Variants in ASIC2 observed in about 807,000 individuals in gnomAD.
The protein encoded by ASIC2 is acid-sensing ion channel 2.
In ASIC2, 25 loss-of-function variants were observed where a neutral mutation model predicts 57.3. The ratio of observed to expected loss-of-function variants is 0.44; its 90% CI spans 0.32 to 0.61. ASIC2 has a LOEUF of 0.61. Ranked by LOEUF, ASIC2 falls within the 20% of genes least tolerant of loss-of-function variation. ASIC2 has a pLI of 0.06. For missense variants in ASIC2, 641 were observed against 738.1 expected, an observed-to-expected ratio of 0.87 and a Z score of 1.52; for synonymous variants, 319 against 307.5, an observed-to-expected ratio of 1.04 and a Z score of -0.39.
At chr17:33,835,177 G>A (rs1413436316) in intron 1 of ASIC2, among the ~76,000 whole-genome samples, 2 of 152,162 alleles carry the variant, frequency 1.3e-5, no homozygotes, top group Non-Finnish European at 1.5e-5. Flanking sequence ...TGGCTCTGGG[G>A]CCAGACTCTT....
In ASIC2 at chr17:33,375,592, G is replaced by A. The variant is rs554388744; in HGVS notation, c.556-263525C>T. ...GCTGCTGTGTGGACTGACTACAGGG[G>A]CTGACAGTGGACTGACTACCGGGAC... On this transcript the variant is annotated intron_variant, in intron 1 of 9. Transcript: ENST00000359872. Among the ~76,000 whole-genome samples, 19 of 152,310 alleles carry A rather than the reference G, an allele frequency of 1.2e-4. No individual in the cohort carries two copies. In the South Asian group the frequency reaches 3.9e-3, roughly 32 times the overall value.
chr17:33,220,310 C>T (rs1907643693), intron 1 of ASIC2, among the ~76,000 whole-genome samples: 1 of 152,210 alleles, frequency 6.6e-6, no homozygotes, highest in African/African-American at 2.4e-5. Context: ...ATGAAATATA[C>T]TTCCAGCAGT....
intron 1 of ASIC2, among the ~76,000 whole-genome samples, chr17:33,818,162 G>A (rs1000789758): frequency 6.6e-6 from 1 of 152,308 alleles, no homozygotes; most frequent in South Asian, 2.1e-4. Context: ...TGATGAGGGT[G>A]TAACAAGGTT....
chr17:33,781,851 AC>A (rs1490938936), intron 1 of ASIC2, among the ~76,000 whole-genome samples: 1 of 151,884 alleles, frequency 6.6e-6, no homozygotes, highest in Admixed American at 6.6e-5. Flanking sequence ...TTCCTATAAC[AC>A]CCTGTTCGTC....
intron 1 of ASIC2, among the ~76,000 whole-genome samples, chr17:33,194,086 C>T (rs1428401954): frequency 6.6e-6 from 1 of 152,202 alleles, no homozygotes; most frequent in Non-Finnish European, 1.5e-5. Context: ...CAGGGACCAT[C>T]CATGCTCATC....
intron 1 of ASIC2, chr17:34,001,806 G>T (rs1345058453): frequency 6.6e-6 from 1 of 152,182 alleles, no homozygotes; most frequent in Non-Finnish European, 1.5e-5. Flanking sequence ...TTCCACTTGG[G>T]TGCTGTACTC....
intron 1 of ASIC2, among the ~76,000 whole-genome samples, chr17:33,969,718 G>C (rs1361791457): frequency 6.6e-6 from 1 of 152,110 alleles, no homozygotes; most frequent in African/African-American, 2.4e-5. Flanking sequence ...CCATTCCTGG[G>C]GGCAGGAACT....
intron 1 of ASIC2, among the ~76,000 whole-genome samples, chr17:33,222,700 A>C (rs1046349755): frequency 6.6e-6 from 1 of 152,206 alleles, no homozygotes; most frequent in Non-Finnish European, 1.5e-5. Flanking sequence ...ACATAAATAA[A>C]CAGGAATGTT....
At chr17:33,799,786 C>T (rs935178164) in intron 1 of ASIC2, among the ~76,000 whole-genome samples, 12 of 151,896 alleles carry the variant, frequency 7.9e-5, no homozygotes, top group East Asian at 1.9e-4. Flanking sequence ...GGTTGTGTAA[C>T]GAACAACCCA....
At chr17:34,148,495 T>C (rs533311707) in intron 1 of ASIC2, among the ~76,000 whole-genome samples, 3 of 152,316 alleles carry the variant, frequency 2.0e-5, no homozygotes, top group South Asian at 2.1e-4. Context: ...CTAAGGAATA[T>C]GAAAAATCAT....
At chr17:33,464,585 CTCTT>C (rs1178808092) in intron 1 of ASIC2, among the ~76,000 whole-genome samples, 1 of 132,022 alleles carries the variant, frequency 7.6e-6, no homozygotes, top group Non-Finnish European at 1.6e-5. Flanking sequence ...CTCTCTTTAT[CTCTT>C]TCTTTCTCTC....
intron 1 of ASIC2, among the ~76,000 whole-genome samples, chr17:34,148,566 G>A (rs1041991928): frequency 1.9e-4 from 29 of 152,124 alleles, no homozygotes; most frequent in African/African-American, 7.0e-4. Flanking sequence ...CTTTACAGAC[G>A]GGAGAGTCAG....
intron 3 of ASIC2, among the ~76,000 whole-genome samples, chr17:33,085,921 A>C (rs1431365716): frequency 6.6e-6 from 1 of 152,228 alleles, no homozygotes; most frequent in Non-Finnish European, 1.5e-5. Context: ...ATGTTTAACA[A>C]ATATCTTATT....
At chr17:33,164,064 A>T (rs773213422) in intron 1 of ASIC2, among the ~76,000 whole-genome samples, 3 of 152,220 alleles carry the variant, frequency 2.0e-5, no homozygotes, top group Non-Finnish European at 4.4e-5. Context: ...TTATGATCCC[A>T]AAGCACACAT....
At chr17:33,417,768 G>A (rs1176125781) in intron 1 of ASIC2, among the ~76,000 whole-genome samples, 2 of 152,090 alleles carry the variant, frequency 1.3e-5, no homozygotes, top group African/African-American at 4.8e-5. Flanking sequence ...TATGATCCAG[G>A]ACACTCACTG....
At chr17:34,042,071 G>A (rs186763937) in intron 1 of ASIC2, among the ~76,000 whole-genome samples, 15 of 152,318 alleles carry the variant, frequency 9.8e-5, no homozygotes, top group Non-Finnish European at 1.5e-4. Flanking sequence ...TAAATCCAGA[G>A]GACAAGCTTT....
chr17:33,803,770 G>T (rs1912197750), intron 1 of ASIC2, among the ~76,000 whole-genome samples: 2 of 152,034 alleles, frequency 1.3e-5, no homozygotes, highest in African/African-American at 4.8e-5. Context: ...CGGTAAGGAA[G>T]ATAAAGGCTT....
intron 2 of ASIC2, among the ~76,000 whole-genome samples, chr17:33,093,650 G>T (rs1442102600): frequency 6.6e-6 from 1 of 152,134 alleles, no homozygotes; most frequent in Non-Finnish European, 1.5e-5. Context: ...GGCCATAGGT[G>T]GCACAAGGTG....
At chr17:33,235,614 A>G (rs1409981915) in intron 1 of ASIC2, among the ~76,000 whole-genome samples, 4 of 152,162 alleles carry the variant, frequency 2.6e-5, no homozygotes, top group African/African-American at 9.7e-5. Flanking sequence ...CTTCTCAGTG[A>G]GTGTTCAGAG....
Sources: allele counts gnomAD v4.1 joint callset (sites outside exome capture counted in the v4.1 genomes callset), GRCh38; gene constraint gnomAD v4.1.1; transcripts MANE v1.5; gene names NCBI Gene and HGNC (gene_info 2026-07-23, HGNC 2026-07-21).